Variants in OSBPL9 observed in about 807,000 individuals in gnomAD.
OSBPL9 encodes the protein oxysterol binding protein like 9, also known as oxysterol-binding protein-related protein 9.
Under a neutral mutation model 106.6 loss-of-function variants are expected in OSBPL9, and 40 were observed. The ratio of observed to expected loss-of-function variants is 0.38; its 90% CI spans 0.29 to 0.49. The LOEUF is 0.49. Ranked by LOEUF, OSBPL9 falls within the 20% of genes least tolerant of loss-of-function variation. The pLI, the probability that OSBPL9 is intolerant of heterozygous loss-of-function variation, is 0.97. For missense variants in OSBPL9, 609 were observed against 887.2 expected (o/e 0.69, Z 3.98); for synonymous variants, 269 against 295.4 (o/e 0.91, Z 0.92).
At chr1:51,752,851 T>G (rs1000748519) in intron 8 of OSBPL9, 5 of 225,946 alleles carry the variant, frequency 2.2e-5, no homozygotes, top group Non-Finnish European at 4.6e-5. Flanking sequence ...TAACCTTAGT[T>G]ACTTCTGTAG....
chr1:51,772,693 G>T lies in OSBPL9; in HGVS notation c.1140G>T (p.Ser380=). ...EHKSVIMHLL[S]QVRLGMDLTK... ...AGAGCGTTATCATGCATCTCTTGTC[G>T]CAGGTTAGACTTGGAATGGATCTTA... Residue 380 remains serine (S), a synonymous_variant, in exon 14 of 24, where the codon TCG becomes TCT. Transcript: ENST00000428468. The T allele has an allele frequency of 6.2e-7, 1 of 1,614,102 alleles. No homozygotes were observed. The highest frequency in any genetic ancestry group is 2.2e-5 in the East Asian group (1 of 44,886).
At chr1:51,748,958 G>T (rs1668625041) in intron 7 of OSBPL9, among the ~76,000 whole-genome samples, 1 of 152,140 alleles carries the variant, frequency 6.6e-6, no homozygotes, top group African/African-American at 2.4e-5. Flanking sequence ...GGTGGCTTAT[G>T]CCTGTAATCC....
chr1:51,546,557 CATG>C, the OSBPL9 span, among the ~76,000 whole-genome samples: 1 of 151,796 alleles, frequency 6.6e-6, no homozygotes, highest in Non-Finnish European at 1.5e-5. Flanking sequence ...ATTAGCTAGG[CATG>C]ATGAAGGGCA....
Position 51,748,429 on chromosome 1 carries a change from T to C in OSBPL9, c.492+31T>C, listed in dbSNP as rs751606407. The stretch of plus-strand genomic sequence containing the variant: ...TTATATGTTTGATACATTCTGACTT[T>C]GCATTAGAAAATGTTTTAAAAAGTT... On this transcript the variant is annotated intron_variant, in intron 7 of 23. Coordinates refer to ENST00000428468, the MANE Select transcript of OSBPL9 (RefSeq NM_024586.6). 4.1e-6 allele frequency: 6 copies of C among 1,453,082 alleles called. No homozygotes were observed. In the South Asian group the frequency reaches 7.7e-5, roughly 19 times the overall value. The allele number at this position is 1,453,082 out of a possible 1,614,324, so 90.0% of individuals were successfully genotyped here.
At chr1:51,528,273 T>A in the OSBPL9 span, among the ~76,000 whole-genome samples, 2 of 151,954 alleles carry the variant, frequency 1.3e-5, no homozygotes, top group African/African-American at 4.8e-5. Context: ...ATATAGAAAA[T>A]CCTAAAGAAA....
chr1:51,659,945 G>A (rs975076406), intron 2 of OSBPL9, among the ~76,000 whole-genome samples: 1 of 152,082 alleles, frequency 6.6e-6, no homozygotes, highest in Admixed American at 6.5e-5. Flanking sequence ...TGAAACTATG[G>A]TAATTAAAAT....
At chr1:51,764,087 A>AT (rs1356623349) in intron 11 of OSBPL9, among the ~76,000 whole-genome samples, 12 of 152,098 alleles carry the variant, frequency 7.9e-5, no homozygotes, top group Admixed American at 7.9e-4. Flanking sequence ...ATCTTATTTG[A>AT]TTTTTCATCC....
chr1:51,532,945 T>C, the OSBPL9 span, among the ~76,000 whole-genome samples: 1 of 152,114 alleles, frequency 6.6e-6, no homozygotes, highest in African/African-American at 2.4e-5. Context: ...AGTAAAATTA[T>C]TGTTAGATTA....
chr1:51,557,598 G>A, the OSBPL9 span, among the ~76,000 whole-genome samples: 1 of 152,112 alleles, frequency 6.6e-6, no homozygotes. Context: ...AAAGCCTAAG[G>A]CCCTAAGGAA....
At chr1:51,726,307 T>G (rs1663107648) in intron 4 of OSBPL9, among the ~76,000 whole-genome samples, 1 of 152,256 alleles carries the variant, frequency 6.6e-6, no homozygotes, top group South Asian at 2.1e-4. Context: ...TTTTTCAGTT[T>G]GTTCAGTGTT....
intron 3 of OSBPL9, among the ~76,000 whole-genome samples, chr1:51,701,986 T>G (rs919702798): frequency 1.3e-5 from 2 of 152,264 alleles, no homozygotes; most frequent in African/African-American, 4.8e-5. Context: ...CTCATCATTT[T>G]TTATGGCTGC....
intron 3 of OSBPL9, among the ~76,000 whole-genome samples, chr1:51,701,232 G>A (rs779214889): frequency 7.2e-5 from 11 of 152,132 alleles, no homozygotes; most frequent in South Asian, 4.1e-4. Flanking sequence ...GAGCCACCGC[G>A]CCCGGCCCAT....
chr1:51,614,325 C>T (rs928829256), upstream of OSBPL9: 1 of 151,878 alleles, frequency 6.6e-6, no homozygotes, highest in East Asian at 1.9e-4. Context: ...AGTCTGGCAT[C>T]CAACTCAGGC....
At chr1:51,748,311 A>T in intron 6 of OSBPL9, 58 bp from the exon 7 acceptor site, 2 of 1,494,052 alleles carry the variant, frequency 1.3e-6, no homozygotes, top group Non-Finnish European at 1.8e-6. Flanking sequence ...CCAGTAAAAA[A>T]TAACCGTCCT....
At chr1:51,526,000 C>T in the OSBPL9 span, among the ~76,000 whole-genome samples, 1 of 152,142 alleles carries the variant, frequency 6.6e-6, no homozygotes, top group Non-Finnish European at 1.5e-5. Context: ...CCTCAGCCTC[C>T]AGAGAAACTG....
At chr1:51,640,963 T>G (rs1236931287) in intron 1 of OSBPL9, among the ~76,000 whole-genome samples, 1 of 151,642 alleles carries the variant, frequency 6.6e-6, no homozygotes, top group Non-Finnish European at 1.5e-5. Context: ...AAAAAAAATT[T>G]TTTTTTTTAG....
intron 1 of OSBPL9, among the ~76,000 whole-genome samples, chr1:51,626,662 C>T (rs1232683507): frequency 1.3e-5 from 2 of 151,998 alleles, no homozygotes; most frequent in African/African-American, 2.4e-5. Flanking sequence ...AGGCATGTGC[C>T]ACCACACGAG....
chr1:51,765,891 T>C lies in OSBPL9; in HGVS notation c.848T>C (p.Val283Ala). The C allele has an allele frequency of 1.2e-6, 2 of 1,613,954 alleles. No homozygotes were observed. Among genetic ancestry groups the C allele is most frequent in the African/African-American group, 1.3e-5 (1 of 75,014 alleles). Residue 283 changes from valine to alanine, a missense_variant, in exon 12 of 24, where the codon GTC (valine) becomes GCC (alanine). Physicochemically the swap from Val to Ala is moderately conservative, Grantham distance 64 (BLOSUM62 0). Coordinates refer to ENST00000428468, the MANE Select transcript of OSBPL9 (RefSeq NM_024586.6). ...PSHVNLSPNT[V>A]PEFSYSSSED... Reference sequence around the variant, plus strand: ...CACGTGAACTTGTCTCCAAATACAGTCCCAGAGTTCTCTTACTCCAGCAGT... The same window carrying C: ...CACGTGAACTTGTCTCCAAATACAGCCCCAGAGTTCTCTTACTCCAGCAGT...
chr1:51,545,866 ATAAT>A, the OSBPL9 span, among the ~76,000 whole-genome samples: 6 of 152,242 alleles, frequency 3.9e-5, no homozygotes, highest in African/African-American at 1.2e-4. Context: ...CTTGAATAGT[ATAAT>A]TACCATATGT....
Sources: allele counts gnomAD v4.1 joint callset (sites outside exome capture counted in the v4.1 genomes callset), GRCh38; gene constraint gnomAD v4.1.1; transcripts MANE v1.5; gene names NCBI Gene and HGNC (gene_info 2026-07-23, HGNC 2026-07-21).